AOAH: variants seen among roughly 807,000 people sequenced by gnomAD.
The protein encoded by AOAH is acyloxyacyl hydrolase (neutrophil).
AOAH carries 64 observed loss-of-function variants against 92.2 expected under a neutral mutation model. The observed-to-expected ratio is 0.69, with a 90% CI of 0.57 to 0.86. The LOEUF (loss-of-function observed/expected upper bound fraction) is 0.86, where lower values mean the gene tolerates loss of function less well. AOAH is among the 40% of genes least tolerant of loss of function. AOAH has a pLI of 0.00. For missense variants in AOAH, 656 were observed against 694.6 expected, an observed-to-expected ratio of 0.94 and a Z score of 0.62; for synonymous variants, 263 against 254.5, an observed-to-expected ratio of 1.03 and a Z score of -0.32.
intron 16 of AOAH, among the ~76,000 whole-genome samples, chr7:36,536,423 C>T (rs1464499048): frequency 3.3e-5 from 5 of 152,010 alleles, no homozygotes; most frequent in South Asian, 2.1e-4. Flanking sequence ...ACCCTTAACA[C>T]GGTGCCCAGG....
At chr7:36,566,506 G>A (rs186330728) in intron 13 of AOAH, among the ~76,000 whole-genome samples, 254 of 152,158 alleles carry the variant, frequency 1.7e-3, no homozygotes, top group Admixed American at 3.1e-3. Context: ...TCTTGTCAGA[G>A]TAGGTAGCTA....
At chr7:36,610,406 T>C (rs915603725) in intron 11 of AOAH, among the ~76,000 whole-genome samples, 7 of 151,212 alleles carry the variant, frequency 4.6e-5, no homozygotes, top group African/African-American at 1.7e-4. Flanking sequence ...CAAGGGGGAG[T>C]GCTGGAAAGA....
intron 1 of AOAH, among the ~76,000 whole-genome samples, chr7:36,694,655 A>C (rs1253728763): frequency 2.0e-5 from 3 of 152,254 alleles, no homozygotes; most frequent in African/African-American, 7.2e-5. Context: ...CATTCAAGTT[A>C]TAAAAAATGT....
intron 5 of AOAH, among the ~76,000 whole-genome samples, chr7:36,635,995 T>C (rs976757369): frequency 1.3e-5 from 2 of 152,226 alleles, no homozygotes; most frequent in African/African-American, 4.8e-5. Flanking sequence ...TCTGGAATGT[T>C]TGATCTCCTT....
In AOAH at chr7:36,705,427, G is replaced by A. The variant is rs887535256; in HGVS notation, c.127+18595C>T. Reference sequence around the variant, plus strand: ...AATACCTAGGAATACAACTTACAAGGGATGTGAAGAGCCTCTTCAAGGAGA... The same window carrying A: ...AATACCTAGGAATACAACTTACAAGAGATGTGAAGAGCCTCTTCAAGGAGA... On this transcript the variant is annotated intron_variant, in intron 1 of 20. Coordinates refer to ENST00000617537, the MANE Select transcript of AOAH (RefSeq NM_001637.4). 1.4e-4 allele frequency among the ~76,000 whole-genome samples: 22 copies of A among 152,060 alleles called. 1 individual carries two copies. The highest frequency in any genetic ancestry group is 5.3e-4 in the African/African-American group (22 of 41,408).
At chr7:36,660,742 C>T (rs1323410059) in intron 3 of AOAH, among the ~76,000 whole-genome samples, 1 of 152,146 alleles carries the variant, frequency 6.6e-6, no homozygotes, top group Non-Finnish European at 1.5e-5. Context: ...TATCTGATTC[C>T]ATGTTCATTT....
At chr7:36,616,642 C>T (rs79786771) in intron 10 of AOAH, among the ~76,000 whole-genome samples, 168 bp from the exon 11 acceptor site, 2,818 of 152,240 alleles carry the variant, frequency 0.019, 45 homozygotes, top group African/African-American at 0.047. Context: ...CATAGCATTT[C>T]GGAGCTGAAT....
chr7:36,618,722 A>G (rs937373633), intron 9 of AOAH, among the ~76,000 whole-genome samples: 1 of 152,232 alleles, frequency 6.6e-6, no homozygotes, highest in Non-Finnish European at 1.5e-5. Flanking sequence ...TGACATCTTC[A>G]GTACCTAAGA....
intron 11 of AOAH, among the ~76,000 whole-genome samples, chr7:36,611,607 G>C (rs1220337150): frequency 6.6e-6 from 1 of 152,138 alleles, no homozygotes; most frequent in East Asian, 1.9e-4. Flanking sequence ...GCACACTGCA[G>C]AGTGAGCCAC....
rs757739091 is a variant in AOAH at position 36,513,089 on chromosome 7, C to T, written c.*163G>A. 40 of 1,577,034 alleles carry T rather than the reference C, an allele frequency of 2.5e-5. No homozygotes were observed. Among genetic ancestry groups the T allele is most frequent in the East Asian group, 1.4e-4 (6 of 43,342 alleles). On this transcript the variant is annotated 3_prime_UTR_variant, in exon 21 of 21. Coordinates refer to ENST00000617537, the MANE Select transcript of AOAH (RefSeq NM_001637.4). ...CCGGGAGCACACAGCATTGCACAGT[C>T]GTCCAGATATGCTCTTCATTGAGAG...
chr7:36,601,373 G>A (rs1003915225), intron 11 of AOAH, among the ~76,000 whole-genome samples: 9 of 149,610 alleles, frequency 6.0e-5, no homozygotes, highest in Non-Finnish European at 1.3e-4. Context: ...GAGGGAGAGG[G>A]GGGAAGGGGA....
chr7:36,627,305 A>G (rs79971596), intron 6 of AOAH, among the ~76,000 whole-genome samples: 1,792 of 152,350 alleles, frequency 0.012, 18 homozygotes, highest in African/African-American at 0.021. Context: ...CTAAAGGATG[A>G]GACAGCATTT....
At chr7:36,672,955 C>A (rs1014935466) in intron 3 of AOAH, among the ~76,000 whole-genome samples, 2 of 151,162 alleles carry the variant, frequency 1.3e-5, no homozygotes, top group African/African-American at 4.9e-5. Context: ...ATAGAAAAAC[C>A]TCCATAATTT....
intron 4 of AOAH, among the ~76,000 whole-genome samples, chr7:36,642,601 C>T (rs907334471): frequency 2.6e-5 from 4 of 152,164 alleles, no homozygotes; most frequent in African/African-American, 4.8e-5. Context: ...TTTTTGTTCT[C>T]GACCTTGAGC....
intron 9 of AOAH, among the ~76,000 whole-genome samples, chr7:36,619,410 G>A (rs746138188): frequency 6.6e-6 from 1 of 152,108 alleles, no homozygotes; most frequent in Admixed American, 6.5e-5. Flanking sequence ...CTCTCACTTG[G>A]CCTTCCTCCT....
At position 36,614,786 on chromosome 7, in the gene AOAH, C is replaced by G. The variant is rs928049061; in HGVS notation, c.846+1594G>C. 1.3e-5 allele frequency among the ~76,000 whole-genome samples: 2 copies of G among 152,218 alleles called. No homozygotes were observed. Among genetic ancestry groups the G allele is most frequent in the Admixed American group, 1.3e-4 (2 of 15,280 alleles). ...GCTGGCATCTGGTGGGCAGAGGAGA[C>G]AAACTCATTACCCATCCAAATAATT... On this transcript the variant is annotated intron_variant, in intron 11 of 20. Coordinates refer to ENST00000617537, the MANE Select transcript of AOAH (RefSeq NM_001637.4). The surrounding 1 kb of genome is among the most constrained non-coding windows in gnomAD (Gnocchi z 4.2).
At chr7:36,559,596 A>G (rs1787106721) in intron 13 of AOAH, among the ~76,000 whole-genome samples, 1 of 151,508 alleles carries the variant, frequency 6.6e-6, no homozygotes. Context: ...TAATGGGGTT[A>G]TTTGGTTTTT....
intron 1 of AOAH, among the ~76,000 whole-genome samples, chr7:36,703,030 CT>C (rs1798124729): frequency 6.6e-6 from 1 of 152,144 alleles, no homozygotes; most frequent in African/African-American, 2.4e-5. Context: ...GTAGATTTCA[CT>C]TCAAAAAACA....
intron 11 of AOAH, among the ~76,000 whole-genome samples, chr7:36,613,168 A>G (rs569175163): frequency 2.0e-4 from 30 of 152,286 alleles, no homozygotes; most frequent in African/African-American, 7.0e-4. Flanking sequence ...TGTAGTCCTC[A>G]TGTGAGAACA....
Sources: gnomAD v4.1 joint callset for allele counts (sites outside exome capture counted in the v4.1 genomes callset) on GRCh38, gnomAD v4.1.1 for gene constraint, Gnocchi (gnomAD v3.1) non-coding constraint, MANE v1.5 for transcripts, NCBI Gene and HGNC (gene_info 2026-07-23, HGNC 2026-07-21) for gene names.